MRPL47: variants seen among roughly 807,000 people sequenced by gnomAD.
MRPL47 encodes large ribosomal subunit protein uL29m.
MRPL47 carries 31 observed loss-of-function variants against 34.0 expected under a neutral mutation model. The observed-to-expected ratio is 0.91, with a 90% CI of 0.68 to 1.23. MRPL47 has a LOEUF of 1.23. Among genes scored for constraint, MRPL47 ranks in the 50% most tolerant of loss-of-function variants. MRPL47 has a pLI of 0.00. For synonymous variants in MRPL47, 106 were observed against 101.6 expected (o/e 1.04, Z -0.26); for missense variants, 328 against 285.8 (o/e 1.15, Z -1.07).
intron 1 of MRPL47, among the ~76,000 whole-genome samples, chr3:179,604,290 C>CT (rs745769642): frequency 1.3e-5 from 2 of 152,218 alleles, no homozygotes; most frequent in Non-Finnish European, 2.9e-5. Flanking sequence ...TGCTGGACAT[C>CT]TACAAACCCC....
rs1028745393 is a variant in MRPL47, at chr3:179,601,638, T to C, written c.305+92A>G. 3.8e-6 allele frequency: 3 copies of C among 780,938 alleles called. No homozygotes were observed. The Admixed American group carries it at 7.1e-5, about 19-fold the overall frequency. The allele number at this position is 780,938 out of a possible 1,614,324, so 48.4% of individuals were successfully genotyped here. On this transcript the variant is annotated intron_variant, in intron 3 of 6. Coordinates refer to ENST00000476781, the MANE Select transcript of MRPL47 (RefSeq NM_020409.3). ...AGTACTACAAAAGAAATCGCTTTAC[T>C]CAATTTCTTATATCAGATAGATTGT...
Position 179,602,800 on chromosome 3 carries a change from G to A in MRPL47, c.99-3C>T, listed in dbSNP as rs201531319. Reference sequence around the variant, plus strand: ...TAGGCAACAAACTAAGAAAAAACCTGCAATTGAACACACATAAACAAGTAA... The same window carrying A: ...TAGGCAACAAACTAAGAAAAAACCTACAATTGAACACACATAAACAAGTAA... On this transcript the variant is annotated splice_region_variant and splice_polypyrimidine_tract_variant and intron_variant, in intron 1 of 6. Coordinates refer to ENST00000476781, the MANE Select transcript of MRPL47 (RefSeq NM_020409.3). The A allele has an allele frequency of 1.3e-6, 2 of 1,598,620 alleles. No homozygotes were observed. Among genetic ancestry groups the A allele is most frequent in the South Asian group, 1.2e-5 (1 of 86,890 alleles).
intron 6 of MRPL47, among the ~76,000 whole-genome samples, chr3:179,592,344 A>G (rs1310749931): frequency 6.6e-6 from 1 of 151,822 alleles, no homozygotes; most frequent in African/African-American, 2.4e-5. Flanking sequence ...ACAGGTGCCC[A>G]CCACCATGTC....
intron 3 of MRPL47, 32 bp from the exon 4 acceptor site, chr3:179,598,803 A>T: frequency 7.2e-6 from 10 of 1,394,242 alleles, no homozygotes; most frequent in Non-Finnish European, 1.0e-5. Flanking sequence ...TTGTGATGCT[A>T]TTCTGTGGTT....
At chr3:179,589,056 A>G (rs1171255871) in intron 6 of MRPL47, 61 bp from the exon 7 acceptor site, 3 of 1,488,612 alleles carry the variant, frequency 2.0e-6, no homozygotes, top group Non-Finnish European at 2.7e-6. Context: ...ATTCAATACT[A>G]TCAAAATATG....
At chr3:179,594,902 T>A (rs1054270540) in intron 4 of MRPL47, among the ~76,000 whole-genome samples, 1 of 152,142 alleles carries the variant, frequency 6.6e-6, no homozygotes, top group Non-Finnish European at 1.5e-5. Context: ...CCCTTAAGCA[T>A]CACAACAGAT....
upstream of MRPL47, chr3:179,604,639 G>A (rs768992625): frequency 1.2e-6 from 2 of 1,613,954 alleles, no homozygotes; most frequent in East Asian, 4.5e-5. Flanking sequence ...TCGCATAACT[G>A]GCAAAACGCG....
chr3:179,589,243 G>A (rs1718607266), intron 6 of MRPL47, among the ~76,000 whole-genome samples: 1 of 152,152 alleles, frequency 6.6e-6, no homozygotes, highest in Non-Finnish European at 1.5e-5. Flanking sequence ...TTATGAACCT[G>A]TAACAAATTG....
At chr3:179,597,563 C>T (rs1323370135) in intron 4 of MRPL47, among the ~76,000 whole-genome samples, 1 of 152,160 alleles carries the variant, frequency 6.6e-6, no homozygotes, top group African/African-American at 2.4e-5. Flanking sequence ...AATCCCAGCA[C>T]TTTGGGAGGC....
intron 4 of MRPL47, among the ~76,000 whole-genome samples, chr3:179,598,397 G>GACAC (rs11455585): frequency 0.017 from 1,722 of 102,890 alleles, 57 homozygotes; most frequent in African/African-American, 0.059. Flanking sequence ...CTGACACACT[G>GACAC]ACACACACAC....
intron 2 of MRPL47, among the ~76,000 whole-genome samples, chr3:179,602,314 A>G (rs1260107126): frequency 1.3e-5 from 2 of 152,204 alleles, no homozygotes; most frequent in Non-Finnish European, 2.9e-5. Flanking sequence ...ACTGCACCCC[A>G]GTCTGGGCAA....
chr3:179,597,029 T>C (rs1718803293), intron 4 of MRPL47, among the ~76,000 whole-genome samples: 1 of 152,232 alleles, frequency 6.6e-6, no homozygotes, highest in African/African-American at 2.4e-5. Flanking sequence ...TGTGTACAAC[T>C]TACTCTCAAA....
intron 6 of MRPL47, among the ~76,000 whole-genome samples, chr3:179,589,591 A>G (rs1031952357): frequency 1.3e-5 from 2 of 152,234 alleles, no homozygotes; most frequent in Admixed American, 6.5e-5. Context: ...TTGAATTGAT[A>G]TCTTACAGGA....
chr3:179,599,985 C>T (rs1352929584), intron 3 of MRPL47, among the ~76,000 whole-genome samples: 2 of 151,774 alleles, frequency 1.3e-5, no homozygotes, highest in Non-Finnish European at 2.9e-5. Flanking sequence ...ATTAGCTGGG[C>T]ATGGTGGTGC....
chr3:179,602,350 A>G (rs1718945327), intron 2 of MRPL47, among the ~76,000 whole-genome samples: 1 of 152,158 alleles, frequency 6.6e-6, no homozygotes, highest in South Asian at 2.1e-4. Context: ...ATCTCTAAAT[A>G]AATAAACAAA....
chr3:179,589,691 GACAAT>G lies in MRPL47; in HGVS notation c.630-701_630-697del, dbSNP rs535672784. On this transcript the variant is annotated intron_variant, in intron 6 of 6. Transcript: ENST00000476781. ...CAAATGAGGTTTTGGGGGGAAAAAA[GACAAT>G]ACAATATGCCAGTGCTATGGGAGAG... Among the ~76,000 whole-genome samples the G allele has an allele frequency of 1.8e-3, 267 of 152,134 alleles. 4 individuals carry two copies. The highest frequency in any genetic ancestry group is 3.4e-3 in the Middle Eastern group (1 of 294).
intron 3 of MRPL47, among the ~76,000 whole-genome samples, chr3:179,599,092 C>T (rs1004469007): frequency 1.3e-5 from 2 of 151,452 alleles, no homozygotes; most frequent in African/African-American, 4.9e-5. Flanking sequence ...TTGCTTGAGC[C>T]TAGGAATTTG....
intron 6 of MRPL47, among the ~76,000 whole-genome samples, chr3:179,590,711 A>G (rs1718655410): frequency 6.6e-6 from 1 of 152,140 alleles, no homozygotes; most frequent in African/African-American, 2.4e-5. Flanking sequence ...AAAAAAAAAA[A>G]AAGTCTTGAG....
intron 2 of MRPL47, 37 bp downstream of exon 2, chr3:179,602,615 T>C (rs1560020955): frequency 9.7e-7 from 1 of 1,030,036 alleles, no homozygotes; most frequent in Non-Finnish European, 1.4e-6. Context: ...GGGGGTTCCA[T>C]AAATATATCT....
Sources: allele counts gnomAD v4.1 joint callset (sites outside exome capture counted in the v4.1 genomes callset), GRCh38; gene constraint gnomAD v4.1.1; transcripts MANE v1.5; gene names NCBI Gene and HGNC (gene_info 2026-07-23, HGNC 2026-07-21).